Variants in CEP290 observed in about 807,000 individuals in gnomAD.
CEP290 encodes the protein centrosomal protein 290, also known as centrosomal protein of 290 kDa.
CEP290 carries 317 observed loss-of-function variants against 344.9 expected under a neutral mutation model. The observed-to-expected ratio is 0.92, with a 90% CI of 0.84 to 1.01. The LOEUF is 1.01. CEP290 is among the 50% of genes least tolerant of loss of function. The probability of loss-of-function intolerance (pLI) is 0.00; values close to 1 mark genes in which losing one functional copy is unlikely to be tolerated. For missense variants in CEP290, 2,754 were observed against 2,761.4 expected (o/e 1.00, Z 0.06); for synonymous variants, 932 against 895.8 (o/e 1.04, Z -0.72).
intron 12 of CEP290, among the ~76,000 whole-genome samples, chr12:88,125,967 A>G (rs2039703687): frequency 6.6e-6 from 1 of 152,094 alleles, no homozygotes; most frequent in Non-Finnish European, 1.5e-5. Context: ...TGTTAGGACT[A>G]AGATACAGTA....
chr12:88,052,575 C>T (rs1592716401), intron 52 of CEP290, among the ~76,000 whole-genome samples: 1 of 152,008 alleles, frequency 6.6e-6, no homozygotes, highest in African/African-American at 2.4e-5. Context: ...ATAAAGTTAG[C>T]CCAATTAGTG....
intron 46 of CEP290, among the ~76,000 whole-genome samples, chr12:88,061,835 G>C (rs1480772735): frequency 1.3e-5 from 2 of 151,662 alleles, no homozygotes; most frequent in Non-Finnish European, 2.9e-5. Context: ...CTGGAGTACA[G>C]TTGTGTGACC....
chr12:88,076,352 G>A, intron 41 of CEP290, among the ~76,000 whole-genome samples: 1 of 152,016 alleles, frequency 6.6e-6, no homozygotes, highest in East Asian at 1.9e-4. Context: ...TCTATTCAAT[G>A]CCTTTAAAGA....
At chr12:88,132,280 T>C (rs995705461) in intron 6 of CEP290, among the ~76,000 whole-genome samples, 6 of 152,162 alleles carry the variant, frequency 3.9e-5, no homozygotes, top group Admixed American at 1.3e-4. Flanking sequence ...CTCCTCTTTA[T>C]TAAAGGAGAC....
chr12:88,071,847 T>C lies in CEP290; in HGVS notation c.5789A>G (p.Lys1930Arg), dbSNP rs756308652. The change falls in exon 42 of 54, where the codon AAA (lysine) becomes AGA (arginine). Residue 1930 changes from lysine (K) to arginine (R), a missense_variant. Lys to Arg is a conservative substitution (Grantham distance 26, BLOSUM62 2). Transcript: ENST00000552810. ...AKIEGIRNKLKEKEGEVFTLT... is the reference protein window; with the variant it reads ...AKIEGIRNKLREKEGEVFTLT... ...AGTAAAGACTTCCCCCTCTTTCTCT[T>C]TTAACTTGTTTCGAATTCCTTCTAT... 1 of 1,605,542 alleles carries C rather than the reference T, an allele frequency of 6.2e-7. No homozygotes were observed. Among genetic ancestry groups the C allele is most frequent in the Non-Finnish European group, 8.5e-7 (1 of 1,176,760 alleles).
intron 11 of CEP290, among the ~76,000 whole-genome samples, chr12:88,128,130 T>C (rs534157705): frequency 3.5e-4 from 53 of 152,316 alleles, no homozygotes; most frequent in South Asian, 4.1e-4. Context: ...GCTGCTTTCA[T>C]GCTATAAGCA....
At position 88,079,071 on chromosome 12, in the gene CEP290, T is replaced by G. The variant is rs757122231; in HGVS notation, c.5364+21A>C. 11 of 1,531,300 alleles carry G rather than the reference T, an allele frequency of 7.2e-6. No homozygotes were observed. The Admixed American group carries it at 2.6e-4, about 36-fold the overall frequency. The allele number at this position is 1,531,300 out of a possible 1,614,324, so 94.9% of individuals were successfully genotyped here. A position where few individuals can be genotyped will look rare whatever the true frequency, so the allele number is the denominator to read the frequency against. On this transcript the variant is annotated intron_variant, in intron 39 of 53. Transcript: ENST00000552810. Reference sequence around the variant, plus strand: ...AGGAATTATCAGAAATTTTGTTACATTAACACGTGTTGATGTTCACCTTTA... The same window carrying G: ...AGGAATTATCAGAAATTTTGTTACAGTAACACGTGTTGATGTTCACCTTTA...
chr12:88,118,527 A>AC lies in CEP290; in HGVS notation c.1666_1667insG (p.Ile556SerfsTer20). 1 of 1,505,780 alleles carries AC rather than the reference A, an allele frequency of 6.6e-7. No homozygotes were observed. The highest frequency in any genetic ancestry group is 9.0e-7 in the Non-Finnish European group (1 of 1,106,406). The allele number at this position is 1,505,780 out of a possible 1,614,324, so 93.3% of individuals were successfully genotyped here. ...TCCTCTTTCTTGAGCCATTTGACGA[A>AC]TTTTTTTTTTCAGATCAAGTCGTTC... On this transcript the variant is annotated frameshift_variant, in exon 17 of 54. Coordinates refer to ENST00000552810, the MANE Select transcript of CEP290 (RefSeq NM_025114.4). LOFTEE classifies it high-confidence loss of function.
rs2038480051 is a variant in CEP290 at position 88,108,922 on chromosome 12, A to G, written c.2483+144T>C. 1.4e-5 allele frequency: 6 copies of G among 440,946 alleles called. No individual in the cohort carries two copies. In the South Asian group the frequency reaches 2.5e-4, roughly 19 times the overall value. The allele number at this position is 440,946 out of a possible 1,614,324, so 27.3% of individuals were successfully genotyped here. On this transcript the variant is annotated intron_variant, in intron 23 of 53. Coordinates refer to ENST00000552810, the MANE Select transcript of CEP290 (RefSeq NM_025114.4). ...ACACTGTCTCCATAAATAAGTTCCTAACAGTAGTTACCAGAGTAAAAAAAA... is the reference window on the plus strand; with the variant it reads ...ACACTGTCTCCATAAATAAGTTCCTGACAGTAGTTACCAGAGTAAAAAAAA...
At chr12:88,108,640 G>A (rs909107290) in intron 23 of CEP290, among the ~76,000 whole-genome samples, 1 of 152,190 alleles carries the variant, frequency 6.6e-6, no homozygotes, top group Admixed American at 6.5e-5. Context: ...TTGTGATGAT[G>A]ATGAATGATG....
chr12:88,062,853 A>C (rs2034584772), intron 45 of CEP290, 75 bp from the exon 46 acceptor site: 1 of 896,044 alleles, frequency 1.1e-6, no homozygotes, highest in East Asian at 2.6e-5. Flanking sequence ...AACAATTCAT[A>C]AGAACCATCA....
chr12:88,106,527 C>A, intron 25 of CEP290, 148 bp downstream of exon 25: 2 of 587,730 alleles, frequency 3.4e-6, no homozygotes, highest in East Asian at 3.1e-5. Flanking sequence ...ATTCAAACAT[C>A]CCACAAAAAT....
intron 29 of CEP290, among the ~76,000 whole-genome samples, chr12:88,091,095 C>T (rs951586231): frequency 6.6e-6 from 1 of 152,154 alleles, no homozygotes; most frequent in African/African-American, 2.4e-5. Flanking sequence ...AACATATATT[C>T]AGTGCTCCCA....
In CEP290 at chr12:88,080,398, G is replaced by A; in HGVS notation, c.5013-3C>T. On this transcript the variant is annotated splice_polypyrimidine_tract_variant and splice_region_variant and intron_variant, in intron 37 of 53. Coordinates refer to ENST00000552810, the MANE Select transcript of CEP290 (RefSeq NM_025114.4). ...CATCTTCATGGTTTTCTTGAAGCCTGATGTAAATAAACATATGTGTGTGTG... is the reference window on the plus strand; with the variant it reads ...CATCTTCATGGTTTTCTTGAAGCCTAATGTAAATAAACATATGTGTGTGTG... 6.2e-7 allele frequency: 1 copy of A among 1,602,294 alleles called. No individual in the cohort carries two copies. Among genetic ancestry groups the A allele is most frequent in the Non-Finnish European group, 8.5e-7 (1 of 1,171,250 alleles).
At chr12:88,118,824 G>A (rs2039233128) in intron 15 of CEP290, 81 bp from the exon 16 acceptor site, 1 of 905,524 alleles carries the variant, frequency 1.1e-6, no homozygotes. Context: ...CAAGCAACTG[G>A]TTATAATTCA....
At chr12:88,053,581 A>G in intron 52 of CEP290, 71 bp downstream of exon 52, 1 of 424,120 alleles carries the variant, frequency 2.4e-6, no homozygotes, top group East Asian at 4.9e-5. Flanking sequence ...TCTGAGCCAA[A>G]AAAAAAAAAA....
intron 19 of CEP290, 72 bp downstream of exon 19, chr12:88,115,026 C>T (rs773690137): frequency 8.3e-5 from 62 of 750,496 alleles, no homozygotes; most frequent in East Asian, 1.4e-4. Context: ...AATGTGTTAA[C>T]GCCCTTTTAG....
At chr12:88,082,176 C>T (rs769923253) in intron 37 of CEP290, among the ~76,000 whole-genome samples, 1 of 152,088 alleles carries the variant, frequency 6.6e-6, no homozygotes, top group Non-Finnish European at 1.5e-5. Flanking sequence ...TTAGAAACTA[C>T]CTAACTATAA....
chr12:88,111,779 C>G lies in CEP290; in HGVS notation c.2132G>C (p.Arg711Thr), dbSNP rs745530399. 3.1e-6 allele frequency: 5 copies of G among 1,606,760 alleles called. No individual in the cohort carries two copies. Among genetic ancestry groups the G allele is most frequent in the Non-Finnish European group, 4.2e-6 (5 of 1,177,092 alleles). ...GAGCTCCTGTCTTAATTCTTCATTT[C>G]TTCCGGTAAGCTGATCAACTTGGGC... ...LKAQVDQLTG[R>T]NEELRQELRE... The change falls in exon 21 of 54, where the codon AGA becomes ACA. Residue 711 changes from arginine to threonine, a missense_variant. Physicochemically the swap from Arg to Thr is moderately conservative, Grantham distance 71. Coordinates refer to ENST00000552810, the MANE Select transcript of CEP290 (RefSeq NM_025114.4).
Sources: gnomAD v4.1 joint callset for allele counts (sites outside exome capture counted in the v4.1 genomes callset) on GRCh38, gnomAD v4.1.1 for gene constraint, MANE v1.5 for transcripts, NCBI Gene and HGNC (gene_info 2026-07-23, HGNC 2026-07-21) for gene names.